Variants in SFT2D2 observed in about 807,000 individuals in gnomAD.
SFT2D2 encodes vesicle transport protein SFT2B.
In SFT2D2, 21 loss-of-function variants were observed where a neutral mutation model predicts 27.4. The ratio of observed to expected loss-of-function variants is 0.77; its 90% CI spans 0.54 to 1.10. The LOEUF (loss-of-function observed/expected upper bound fraction) is 1.10, where lower values mean the gene tolerates loss of function less well. SFT2D2 is among the 50% of genes least tolerant of loss of function. SFT2D2 has a pLI of 0.00. For missense variants in SFT2D2, 187 were observed against 194.2 expected (o/e 0.96, Z 0.22); for synonymous variants, 72 against 71.7 (o/e 1.00, Z -0.02).
intron 6 of SFT2D2, 58 bp from the exon 7 acceptor site, chr1:168,239,073 T>G: frequency 7.5e-7 from 1 of 1,329,616 alleles, no homozygotes. Context: ...CCCATTCTGC[T>G]GGATAATCTG....
chr1:168,250,032 A>G lies in SFT2D2; in HGVS notation c.*7492A>G, dbSNP rs1032488038. 2 of 152,182 alleles carry G rather than the reference A, an allele frequency of 1.3e-5. No homozygotes were observed. Among genetic ancestry groups the G allele is most frequent in the Admixed American group, 1.3e-4 (2 of 15,278 alleles). The allele number at this position is 152,182 out of a possible 1,614,324, so 9.4% of individuals were successfully genotyped here. A position where few individuals can be genotyped will look rare whatever the true frequency, so the allele number is the denominator to read the frequency against. ...ATGGTATTGCCTCCATCCTCTGAGA[A>G]GGTAAAGAGCCTATCCCAGACCCCA... On this transcript the variant is annotated 3_prime_UTR_variant, in exon 8 of 8. Coordinates refer to ENST00000271375, the MANE Select transcript of SFT2D2 (RefSeq NM_199344.3).
chr1:168,240,375 G>C (rs1647615354), intron 7 of SFT2D2, among the ~76,000 whole-genome samples: 1 of 152,084 alleles, frequency 6.6e-6, no homozygotes, highest in Non-Finnish European at 1.5e-5. Context: ...GATTCTAGGA[G>C]GGTAACAGTT....
chr1:168,236,222 G>C (rs551487496), intron 4 of SFT2D2, among the ~76,000 whole-genome samples: 1 of 152,324 alleles, frequency 6.6e-6, no homozygotes, highest in South Asian at 2.1e-4. Context: ...TGTGCTTTCT[G>C]CTGCAGAGAC....
chr1:168,233,750 A>T (rs1201447274), intron 3 of SFT2D2, among the ~76,000 whole-genome samples: 1 of 152,140 alleles, frequency 6.6e-6, no homozygotes, highest in Admixed American at 6.6e-5. Flanking sequence ...GCAAATCCCT[A>T]TGGGCTGGAT....
intron 4 of SFT2D2, among the ~76,000 whole-genome samples, chr1:168,235,834 G>T (rs1283935060): frequency 2.0e-5 from 3 of 152,072 alleles, no homozygotes; most frequent in Non-Finnish European, 4.4e-5. Flanking sequence ...GCAACATTTG[G>T]AACTTGAAGA....
chr1:168,227,515 T>C lies in SFT2D2; in HGVS notation c.63+1373T>C, dbSNP rs139001646. On this transcript the variant is annotated intron_variant, in intron 1 of 7. Coordinates refer to ENST00000271375, the MANE Select transcript of SFT2D2 (RefSeq NM_199344.3). The stretch of plus-strand genomic sequence containing the variant: ...ACCTTGAGGGAGTAATTCTATGGGA[T>C]CGAATGTTGGAGTCACTGAAATTTA... 2.9e-3 allele frequency among the ~76,000 whole-genome samples: 444 copies of C among 152,350 alleles called. 2 individuals are homozygous for C. The highest frequency in any genetic ancestry group is 1.0e-2 in the African/African-American group (415 of 41,578).
Position 168,226,125 on chromosome 1 carries a change from C to G in SFT2D2, c.46C>G (p.Arg16Gly), listed in dbSNP as rs140315396. The G allele has an allele frequency of 1.3e-5, 20 of 1,534,944 alleles. No homozygotes were observed. Among genetic ancestry groups the G allele is most frequent in the Non-Finnish European group, 1.8e-5 (20 of 1,140,226 alleles). Residue 16 changes from arginine (R) to glycine (G), a missense_variant, in exon 1 of 8, where the codon CGG (arginine) becomes GGG (glycine). Coordinates refer to ENST00000271375, the MANE Select transcript of SFT2D2 (RefSeq NM_199344.3). ...GCTGAGCGGGCAGGACACGGAGGAC[C>G]GGAGCGGCCTGTCCGAGGTGAGTGA... ...KVLSGQDTEDRSGLSEVVEAS... is the reference protein window; with the variant it reads ...KVLSGQDTEDGSGLSEVVEAS...
At position 168,252,973 on chromosome 1, in the gene SFT2D2, G is replaced by A. The variant is rs1558181733; in HGVS notation, c.*10433G>A. ...CTCTCCTCCCCCATCACAATTGTTA[G>A]TTTTTTTTGCTTTCTTTCTTCAATA... On this transcript the variant is annotated 3_prime_UTR_variant, in exon 8 of 8. Transcript: ENST00000271375. The A allele has an allele frequency of 6.6e-6, 1 of 151,676 alleles. No individual in the cohort carries two copies. Among genetic ancestry groups the A allele is most frequent in the African/African-American group, 2.4e-5 (1 of 41,266 alleles). 9.4% of individuals were successfully genotyped at this position (151,676 alleles called of 1,614,324 possible).
At chr1:168,239,476 T>G (rs1044116627) in intron 7 of SFT2D2, among the ~76,000 whole-genome samples, 21 of 148,140 alleles carry the variant, frequency 1.4e-4, no homozygotes, top group African/African-American at 5.3e-4. Context: ...TTTTTTTTTT[T>G]TATAAAGGTG....
In SFT2D2 at chr1:168,243,704, GT is replaced by G; in HGVS notation, c.*1169del. 2.0e-5 allele frequency: 3 copies of G among 152,612 alleles called. No individual in the cohort carries two copies. Among genetic ancestry groups the G allele is most frequent in the Non-Finnish European group, 4.4e-5 (3 of 68,292 alleles). The allele number at this position is 152,612 out of a possible 1,614,324, so 9.5% of individuals were successfully genotyped here. A position where few individuals can be genotyped will look rare whatever the true frequency, so the allele number is the denominator to read the frequency against. ...GTCAAGGGAATCAAGGCCCACACTG[GT>G]TTTTGGATCCACCCAAAGCCACAGC... On this transcript the variant is annotated 3_prime_UTR_variant, in exon 8 of 8. Coordinates refer to ENST00000271375, the MANE Select transcript of SFT2D2 (RefSeq NM_199344.3).
chr1:168,231,315 A>G lies in SFT2D2; in HGVS notation c.64-199A>G, dbSNP rs181762881. The stretch of plus-strand genomic sequence containing the variant: ...GCTGGAGGCACAGCTGTCAGCTGCT[A>G]GAGAGGAGATTCATGTCTGCATAAT... On this transcript the variant is annotated intron_variant, in intron 1 of 7. Coordinates refer to ENST00000271375, the MANE Select transcript of SFT2D2 (RefSeq NM_199344.3). Among the ~76,000 whole-genome samples the G allele has an allele frequency of 9.7e-4, 148 of 152,344 alleles. 2 individuals are homozygous for G. Among genetic ancestry groups the G allele is most frequent in the African/African-American group, 3.5e-3 (147 of 41,568 alleles).
At position 168,248,527 on chromosome 1, in the gene SFT2D2, G is replaced by A. The variant is rs1355567277; in HGVS notation, c.*5987G>A. 3.9e-5 allele frequency: 6 copies of A among 152,162 alleles called. No individual in the cohort carries two copies. Among genetic ancestry groups the A allele is most frequent in the South Asian group, 2.1e-4 (1 of 4,828 alleles). 9.4% of individuals were successfully genotyped at this position (152,162 alleles called of 1,614,324 possible). A position where few individuals can be genotyped will look rare whatever the true frequency, so the allele number is the denominator to read the frequency against. ...AATAGCTCTTCTTATTTTGAGATGC[G>A]TTCCATCAATACCTGGTTTATTGAG... On this transcript the variant is annotated 3_prime_UTR_variant, in exon 8 of 8. Coordinates refer to ENST00000271375, the MANE Select transcript of SFT2D2 (RefSeq NM_199344.3).
At position 168,246,360 on chromosome 1, in the gene SFT2D2, ACTTG is replaced by A. The variant is rs1368169556; in HGVS notation, c.*3824_*3827del. On this transcript the variant is annotated 3_prime_UTR_variant, in exon 8 of 8. Coordinates refer to ENST00000271375, the MANE Select transcript of SFT2D2 (RefSeq NM_199344.3). ...TTGTCTTCGTAGTTGACATAATCTT[ACTTG>A]CTTTTCTGTGCATTTTTCTACTTTA... 1 of 510,734 alleles carries A rather than the reference ACTTG, an allele frequency of 2.0e-6. No individual in the cohort carries two copies. The highest frequency in any genetic ancestry group is 2.0e-5 in the African/African-American group (1 of 51,144). The allele number at this position is 510,734 out of a possible 1,614,324, so 31.6% of individuals were successfully genotyped here. A position where few individuals can be genotyped will look rare whatever the true frequency, so the allele number is the denominator to read the frequency against.
At position 168,247,832 on chromosome 1, in the gene SFT2D2, AT is replaced by A. The variant is rs1173958516; in HGVS notation, c.*5293del. 2 of 152,228 alleles carry A rather than the reference AT, an allele frequency of 1.3e-5. No individual in the cohort carries two copies. The highest frequency in any genetic ancestry group is 2.9e-5 in the Non-Finnish European group (2 of 68,048). 9.4% of individuals were successfully genotyped at this position (152,228 alleles called of 1,614,324 possible). ...CCTATTTCTCCCTGTCCTTTCCAGC[AT>A]CTGTGGCCACCATGCCACTTTTTAA... On this transcript the variant is annotated 3_prime_UTR_variant, in exon 8 of 8. Coordinates refer to ENST00000271375, the MANE Select transcript of SFT2D2 (RefSeq NM_199344.3).
At chr1:168,226,763 T>TA (rs1197102921) in intron 1 of SFT2D2, among the ~76,000 whole-genome samples, 6 of 152,184 alleles carry the variant, frequency 3.9e-5, no homozygotes, top group Admixed American at 6.5e-5. Context: ...AACTAGTCTC[T>TA]AGACACCCAG....
intron 1 of SFT2D2, among the ~76,000 whole-genome samples, chr1:168,226,485 G>C (rs999642010): frequency 6.6e-6 from 1 of 152,186 alleles, no homozygotes; most frequent in Non-Finnish European, 1.5e-5. Flanking sequence ...GGTAGGGCTG[G>C]GGGCCCCGAG....
In SFT2D2 at chr1:168,252,438, A is replaced by G. The variant is rs529742120; in HGVS notation, c.*9898A>G. On this transcript the variant is annotated 3_prime_UTR_variant, in exon 8 of 8. Transcript: ENST00000271375. ...GTGCCTGTTGAATGTCCATGCTACA[A>G]GAAGTTATGAGCCTTGTTCTAAGTA... 1 of 152,360 alleles carries G rather than the reference A, an allele frequency of 6.6e-6. No individual in the cohort carries two copies. The highest frequency in any genetic ancestry group is 1.9e-4 in the East Asian group (1 of 5,192). 9.4% of individuals were successfully genotyped at this position (152,360 alleles called of 1,614,324 possible).
rs1275265758 is a variant in SFT2D2, at chr1:168,247,134, G to A, written c.*4594G>A. 3 of 300,292 alleles carry A rather than the reference G, an allele frequency of 1.0e-5. No homozygotes were observed. Among genetic ancestry groups the A allele is most frequent in the Non-Finnish European group, 2.0e-5 (3 of 148,186 alleles). The allele number at this position is 300,292 out of a possible 1,614,324, so 18.6% of individuals were successfully genotyped here. A position where few individuals can be genotyped will look rare whatever the true frequency, so the allele number is the denominator to read the frequency against. ...TCTTTTTCATTTTTTAATTTTTACT[G>A]TAAGTCACTCAGTGATTATCTTTAA... is the stretch of plus-strand genomic sequence containing the variant. On this transcript the variant is annotated 3_prime_UTR_variant, in exon 8 of 8. Transcript: ENST00000271375.
At position 168,247,480 on chromosome 1, in the gene SFT2D2, T is replaced by C. The variant is rs1258870049; in HGVS notation, c.*4940T>C. The C allele has an allele frequency of 2.5e-5, 4 of 159,266 alleles. No homozygotes were observed. Among genetic ancestry groups the C allele is most frequent in the Non-Finnish European group, 4.1e-5 (3 of 72,950 alleles). The allele number at this position is 159,266 out of a possible 1,614,324, so 9.9% of individuals were successfully genotyped here. ...GAATGATGGTTTCCAGCTTCATCCATGTCCCTACAAAGGACATGAACTCAT... is the reference window on the plus strand; with the variant it reads ...GAATGATGGTTTCCAGCTTCATCCACGTCCCTACAAAGGACATGAACTCAT... On this transcript the variant is annotated 3_prime_UTR_variant, in exon 8 of 8. Transcript: ENST00000271375.
Sources: gnomAD v4.1 joint callset for allele counts (sites outside exome capture counted in the v4.1 genomes callset) on GRCh38, gnomAD v4.1.1 for gene constraint, MANE v1.5 for transcripts, NCBI Gene and HGNC (gene_info 2026-07-23, HGNC 2026-07-21) for gene names.